The following DOCK3 variants were observed in gnomAD, a reference collection of about 807,000 sequenced individuals.
DOCK3 encodes dedicator of cytokinesis protein 3.
Under a neutral mutation model 265.6 loss-of-function variants are expected in DOCK3, and 60 were observed. The ratio of observed to expected loss-of-function variants is 0.23; its 90% CI spans 0.18 to 0.28. DOCK3 has a LOEUF of 0.28. DOCK3 is among the 10% of genes least tolerant of loss of function. The pLI is 1.00. For synonymous variants in DOCK3, 881 were observed against 938.0 expected (o/e 0.94, Z 1.11); for missense variants, 1,981 against 2,594.3 (o/e 0.76, Z 5.14).
intron 27 of DOCK3, among the ~76,000 whole-genome samples, chr3:51,292,970 T>C (rs1212413501): frequency 1.3e-5 from 2 of 152,266 alleles, no homozygotes; most frequent in South Asian, 2.1e-4. Flanking sequence ...TTAAGGAAAT[T>C]AAAGATTATG....
chr3:51,297,822 G>A (rs1009160566), intron 27 of DOCK3, among the ~76,000 whole-genome samples: 1 of 151,686 alleles, frequency 6.6e-6, no homozygotes, highest in Non-Finnish European at 1.5e-5. Flanking sequence ...GAGTGTAGTG[G>A]TGCATGCCTG....
chr3:51,144,683 A>G (rs982385704), intron 9 of DOCK3, among the ~76,000 whole-genome samples: 1 of 152,200 alleles, frequency 6.6e-6, no homozygotes, highest in Non-Finnish European at 1.5e-5. Flanking sequence ...TCATTTCTGC[A>G]TGTCTAACTG....
intron 5 of DOCK3, among the ~76,000 whole-genome samples, chr3:51,043,280 C>T (rs4336150): frequency 6.6e-6 from 1 of 152,080 alleles, no homozygotes; most frequent in Middle Eastern, 3.4e-3. Flanking sequence ...GAAATAAGAC[C>T]GCACACCTAC....
chr3:50,995,936 C>A (rs1002449517), intron 5 of DOCK3, among the ~76,000 whole-genome samples: 1 of 151,968 alleles, frequency 6.6e-6, no homozygotes, highest in South Asian at 2.1e-4. Flanking sequence ...TTGCTTTGTA[C>A]CCCAGGCTGG....
At chr3:51,269,803 T>C (rs2080402118) in intron 23 of DOCK3, among the ~76,000 whole-genome samples, 1 of 152,192 alleles carries the variant, frequency 6.6e-6, no homozygotes, top group South Asian at 2.1e-4. Context: ...CAAAGGCCTA[T>C]TGTGTTCCAG....
At chr3:50,829,933 C>A (rs949194261) in intron 2 of DOCK3, among the ~76,000 whole-genome samples, 3 of 152,062 alleles carry the variant, frequency 2.0e-5, no homozygotes, top group Non-Finnish European at 4.4e-5. Flanking sequence ...TTTAAATTTA[C>A]AGCTCACAAA....
chr3:50,984,188 A>T (rs1575679344), intron 5 of DOCK3, among the ~76,000 whole-genome samples: 2 of 152,220 alleles, frequency 1.3e-5, no homozygotes, highest in East Asian at 3.9e-4. Context: ...GAACGAACCC[A>T]GTGGGCCCAA....
chr3:51,372,034 C>T (rs2087725497), intron 49 of DOCK3, among the ~76,000 whole-genome samples: 1 of 152,176 alleles, frequency 6.6e-6, no homozygotes, highest in South Asian at 2.1e-4. Flanking sequence ...CTGTCTAGAG[C>T]TGTGGGCTGC....
intron 5 of DOCK3, among the ~76,000 whole-genome samples, chr3:51,007,782 T>G (rs1426641611): frequency 1.3e-5 from 2 of 152,198 alleles, no homozygotes; most frequent in Non-Finnish European, 2.9e-5. Flanking sequence ...TAATCCATCT[T>G]GAATTAATTT....
intron 2 of DOCK3, among the ~76,000 whole-genome samples, chr3:50,806,850 A>G (rs2675792): frequency 0.094 from 14,341 of 152,018 alleles, 840 homozygotes; most frequent in Non-Finnish European, 0.12. Flanking sequence ...GTGGGTTAGC[A>G]CACGTTGTGT....
intron 1 of DOCK3, among the ~76,000 whole-genome samples, chr3:50,769,828 A>G (rs1174884999): frequency 1.3e-5 from 2 of 151,946 alleles, no homozygotes; most frequent in African/African-American, 2.4e-5. Context: ...AAAAAAAAAA[A>G]AAAAGTTTTA....
chr3:50,693,883 T>C (rs111513169), intron 1 of DOCK3, among the ~76,000 whole-genome samples: 4 of 152,154 alleles, frequency 2.6e-5, no homozygotes, highest in African/African-American at 7.2e-5. Context: ...GAAATACAAC[T>C]GGTTTTTGCA....
At chr3:51,204,072 ACCTAGGCATTACCATTCAGGACATAGG>A (rs1296842840) in intron 12 of DOCK3, among the ~76,000 whole-genome samples, 2 of 146,818 alleles carry the variant, frequency 1.4e-5, no homozygotes, top group African/African-American at 5.0e-5. Flanking sequence ...CTAGAAGAAA[ACCTAGGCATTACCATTCAGGACATAGG>A]CATGGGCAAG....
At chr3:50,813,831 G>A (rs2043905164) in intron 2 of DOCK3, among the ~76,000 whole-genome samples, 1 of 152,038 alleles carries the variant, frequency 6.6e-6, no homozygotes, top group Admixed American at 6.6e-5. Flanking sequence ...AAAAACCTAA[G>A]TATGCAGAAT....
chr3:51,370,621 G>A (rs553836047), intron 49 of DOCK3, among the ~76,000 whole-genome samples: 2 of 152,234 alleles, frequency 1.3e-5, no homozygotes, highest in African/African-American at 2.4e-5. Context: ...CTCTTGCCAC[G>A]GGGGCAGGTG....
At chr3:51,277,343 G>GT (rs1378113155) in intron 25 of DOCK3, among the ~76,000 whole-genome samples, 1 of 152,186 alleles carries the variant, frequency 6.6e-6, no homozygotes, top group African/African-American at 2.4e-5. Flanking sequence ...CAAAATTAAT[G>GT]TATCTGCTTG....
chr3:50,719,199 T>C (rs1434153588), intron 1 of DOCK3, among the ~76,000 whole-genome samples: 1 of 152,186 alleles, frequency 6.6e-6, no homozygotes, highest in Non-Finnish European at 1.5e-5. Flanking sequence ...TTTAGATCTT[T>C]TGATCAAGTT....
chr3:51,175,501 G>A (rs998709379), intron 12 of DOCK3, among the ~76,000 whole-genome samples: 9 of 152,062 alleles, frequency 5.9e-5, no homozygotes, highest in African/African-American at 1.9e-4. Flanking sequence ...TGCCTGGACT[G>A]TGGCTGGGAA....
chr3:50,794,580 T>A (rs2042665637), intron 2 of DOCK3, among the ~76,000 whole-genome samples: 1 of 152,212 alleles, frequency 6.6e-6, no homozygotes, highest in Admixed American at 6.5e-5. Flanking sequence ...TTTGTCTTGC[T>A]TGGTAGATTT....
Sources: gnomAD v4.1 joint callset for allele counts (sites outside exome capture counted in the v4.1 genomes callset) on GRCh38, gnomAD v4.1.1 for gene constraint, MANE v1.5 for transcripts, NCBI Gene and HGNC (gene_info 2026-07-23, HGNC 2026-07-21) for gene names.